Variants in TMTC2 observed in about 807,000 individuals in gnomAD.
TMTC2 encodes the protein transmembrane O-mannosyltransferase targeting cadherins 2.
TMTC2 carries 43 observed loss-of-function variants against 82.4 expected under a neutral mutation model. The ratio of observed to expected loss-of-function variants is 0.52; its 90% CI spans 0.41 to 0.67. The LOEUF (loss-of-function observed/expected upper bound fraction) is 0.67. Among genes scored for constraint, TMTC2 ranks in the 30% least tolerant of loss-of-function variants. The pLI is 0.00. For missense variants in TMTC2, 919 were observed against 1,012.4 expected, an observed-to-expected ratio of 0.91 and a Z score of 1.25; for synonymous variants, 408 against 381.9, an observed-to-expected ratio of 1.07 and a Z score of -0.80.
At chr12:82,869,795 C>G (rs1418855398) in intron 2 of TMTC2, among the ~76,000 whole-genome samples, 25 of 151,384 alleles carry the variant, frequency 1.7e-4, no homozygotes. Flanking sequence ...GCCATGATTG[C>G]ACCACTGTAC....
intron 1 of TMTC2, among the ~76,000 whole-genome samples, chr12:82,800,113 T>A (rs1178911136): frequency 6.6e-6 from 1 of 152,162 alleles, no homozygotes; most frequent in Non-Finnish European, 1.5e-5. Flanking sequence ...CCCTGTGACC[T>A]GGGCAAGGCA....
chr12:82,949,598 CCTGTGT>C (rs1565823952), intron 4 of TMTC2, among the ~76,000 whole-genome samples: 1 of 152,144 alleles, frequency 6.6e-6, no homozygotes, highest in East Asian at 1.9e-4. Context: ...ATTTATTGGT[CCTGTGT>C]CTGACCTTAG....
chr12:82,815,301 A>T (rs1343993423), intron 1 of TMTC2, among the ~76,000 whole-genome samples: 24 of 146,788 alleles, frequency 1.6e-4, no homozygotes, highest in African/African-American at 4.8e-4. Flanking sequence ...TTTTTAATTA[A>T]TTAATTAATT....
intron 6 of TMTC2, chr12:82,965,967 T>C (rs1878189773): frequency 1.8e-6 from 1 of 552,920 alleles, no homozygotes; most frequent in African/African-American, 1.9e-5. Context: ...TTAATAGATT[T>C]CTTTCCTGTG....
chr12:82,729,264 C>A (rs936277115), intron 1 of TMTC2, among the ~76,000 whole-genome samples: 2 of 152,118 alleles, frequency 1.3e-5, no homozygotes, highest in Admixed American at 6.6e-5. Context: ...CTGTATCTAC[C>A]TCAAGGTTTG....
intron 1 of TMTC2, among the ~76,000 whole-genome samples, chr12:82,776,254 T>G (rs1877589850): frequency 6.6e-6 from 1 of 152,140 alleles, no homozygotes; most frequent in Non-Finnish European, 1.5e-5. Context: ...TAGCATGAAC[T>G]AAAGAGAGGA....
At position 82,842,200 on chromosome 12, in the gene TMTC2, T is replaced by C. The variant is rs576341402; in HGVS notation, c.84-14810T>C. 1.5e-3 allele frequency among the ~76,000 whole-genome samples: 233 copies of C among 152,370 alleles called. 2 individuals are homozygous for C. The highest frequency in any genetic ancestry group is 5.1e-3 in the African/African-American group (213 of 41,586). ...AACTTAACCCCTCCAACTTCAGTTTTCTAGTTTGTAGCATTATTGAAGATA... is the reference window on the plus strand; with the variant it reads ...AACTTAACCCCTCCAACTTCAGTTTCCTAGTTTGTAGCATTATTGAAGATA... On this transcript the variant is annotated intron_variant, in intron 1 of 11. Coordinates refer to ENST00000321196, the MANE Select transcript of TMTC2 (RefSeq NM_152588.3).
chr12:82,913,757 A>G (rs990775741), intron 3 of TMTC2, among the ~76,000 whole-genome samples: 1 of 152,088 alleles, frequency 6.6e-6, no homozygotes, highest in African/African-American at 2.4e-5. Flanking sequence ...TTTCAATATC[A>G]TGTTTTTCAG....
chr12:83,029,552 AG>A, intron 8 of TMTC2, among the ~76,000 whole-genome samples: 1 of 152,204 alleles, frequency 6.6e-6, no homozygotes, highest in East Asian at 1.9e-4. Context: ...TTATGTGGGT[AG>A]AGAGTATATA....
At chr12:82,716,605 G>A (rs1191711283) in intron 1 of TMTC2, among the ~76,000 whole-genome samples, 2 of 151,948 alleles carry the variant, frequency 1.3e-5, no homozygotes, top group South Asian at 2.1e-4. Flanking sequence ...CTTGTGATCC[G>A]CCTGTCTCGG....
At chr12:83,053,744 G>T (rs1882437332) in intron 10 of TMTC2, among the ~76,000 whole-genome samples, 1 of 152,000 alleles carries the variant, frequency 6.6e-6, no homozygotes, top group Non-Finnish European at 1.5e-5. Context: ...ATAAAGTTTT[G>T]AAATATATTA....
chr12:82,758,095 A>G (rs1335387656), intron 1 of TMTC2, among the ~76,000 whole-genome samples: 1 of 152,150 alleles, frequency 6.6e-6, no homozygotes, highest in Non-Finnish European at 1.5e-5. Flanking sequence ...CTTATTTTAT[A>G]TTTATAAAAG....
intron 1 of TMTC2, among the ~76,000 whole-genome samples, chr12:82,802,190 G>C (rs1422126712): frequency 6.6e-6 from 1 of 152,160 alleles, no homozygotes; most frequent in Non-Finnish European, 1.5e-5. Flanking sequence ...GGCCCCGTGA[G>C]AAATCAAGAA....
intron 9 of TMTC2, among the ~76,000 whole-genome samples, chr12:83,033,867 T>C (rs147408837): frequency 0.15 from 21,710 of 144,936 alleles, 1,580 homozygotes; most frequent in Middle Eastern, 0.24. Flanking sequence ...TATGTGTATG[T>C]GTATATATAT....
intron 1 of TMTC2, among the ~76,000 whole-genome samples, chr12:82,744,078 G>A (rs1385744334): frequency 1.3e-5 from 2 of 151,946 alleles, no homozygotes; most frequent in East Asian, 3.9e-4. Context: ...TTTAAGACTG[G>A]CCTGCGTAAC....
chr12:83,020,281 G>A (rs1880857647), intron 8 of TMTC2, among the ~76,000 whole-genome samples: 1 of 152,056 alleles, frequency 6.6e-6, no homozygotes, highest in South Asian at 2.1e-4. Context: ...CATGGTAGGT[G>A]CCCAACAAAT....
At position 82,857,057 on chromosome 12, in the gene TMTC2, C is replaced by T. The variant is rs763597437; in HGVS notation, c.131C>T (p.Thr44Met). The T allele has an allele frequency of 1.7e-5, 28 of 1,613,214 alleles. No individual in the cohort carries two copies. The highest frequency in any genetic ancestry group is 4.0e-5 in the African/African-American group (3 of 74,884). Residue 44 changes from threonine to methionine, a missense_variant, in exon 2 of 12, where the codon ACG becomes ATG. Coordinates refer to ENST00000321196, the MANE Select transcript of TMTC2 (RefSeq NM_152588.3). Reference protein sequence around the residue: ...NQDLLPETPWTHIFYNDFWGT... With the variant: ...NQDLLPETPWMHIFYNDFWGT... ...GACCTTCTCCCAGAAACTCCATGGA[C>T]GCACATTTTCTACAATGATTTTTGG...
intron 1 of TMTC2, among the ~76,000 whole-genome samples, chr12:82,696,105 A>C (rs1872775782): frequency 2.0e-5 from 3 of 152,242 alleles, no homozygotes; most frequent in African/African-American, 4.8e-5. Context: ...AAAAGATCTC[A>C]TTTTGACAAA....
At chr12:82,830,781 A>G (rs1156359109) in intron 1 of TMTC2, among the ~76,000 whole-genome samples, 1 of 152,248 alleles carries the variant, frequency 6.6e-6, no homozygotes, top group Non-Finnish European at 1.5e-5. Context: ...ATAAATATAG[A>G]TAAATCTTAG....
Sources: allele counts gnomAD v4.1 joint callset (sites outside exome capture counted in the v4.1 genomes callset), GRCh38; gene constraint gnomAD v4.1.1; transcripts MANE v1.5; gene names NCBI Gene and HGNC (gene_info 2026-07-23, HGNC 2026-07-21).